The following DNAJC3 variants were observed in gnomAD, a reference collection of about 807,000 sequenced individuals.
The protein encoded by DNAJC3 is DnaJ heat shock protein family (Hsp40) member C3.
In DNAJC3, 38 loss-of-function variants were observed where a neutral mutation model predicts 68.6. That is an observed-to-expected ratio of 0.55 (90% CI 0.43 to 0.73). DNAJC3 has a LOEUF of 0.73. DNAJC3 is among the 30% of genes least tolerant of loss of function. The pLI is 0.00. For missense variants in DNAJC3, 526 were observed against 591.9 expected, an observed-to-expected ratio of 0.89 and a Z score of 1.16; for synonymous variants, 203 against 204.0, an observed-to-expected ratio of 1.00 and a Z score of 0.04.
At chr13:95,750,890 AAAGC>A (rs887090203) in intron 4 of DNAJC3, among the ~76,000 whole-genome samples, 66 of 152,306 alleles carry the variant, frequency 4.3e-4, no homozygotes, top group African/African-American at 1.6e-3. Flanking sequence ...ATGAAAAAGA[AAAGC>A]AAGGAAGCAT....
chr13:95,792,070 T>TAAAC lies in DNAJC3; in HGVS notation c.*1042_*1045dup, dbSNP rs1883793634. 6.6e-6 allele frequency: 1 copy of TAAAC among 152,204 alleles called. No individual in the cohort carries two copies. Among genetic ancestry groups the TAAAC allele is most frequent in the South Asian group, 2.1e-4 (1 of 4,828 alleles). 9.4% of individuals were successfully genotyped at this position (152,204 alleles called of 1,614,324 possible). On this transcript the variant is annotated 3_prime_UTR_variant, in exon 12 of 12. Coordinates refer to ENST00000602402, the MANE Select transcript of DNAJC3 (RefSeq NM_006260.5). ...GTGGGACCTGTCTGCTGGTATGTGTTAAACAGCAGACCGGCCCTTCTACCA... is the reference window on the plus strand; with the variant it reads ...GTGGGACCTGTCTGCTGGTATGTGTTAAACAAACAGCAGACCGGCCCTTCTACCA...
intron 4 of DNAJC3, among the ~76,000 whole-genome samples, chr13:95,749,911 G>A (rs1482094082): frequency 6.6e-6 from 1 of 152,178 alleles, no homozygotes; most frequent in African/African-American, 2.4e-5. Context: ...TTAGCTGGGC[G>A]TGGTGGCCCA....
intron 4 of DNAJC3, among the ~76,000 whole-genome samples, chr13:95,740,718 C>G (rs913297049): frequency 6.6e-6 from 1 of 152,198 alleles, no homozygotes; most frequent in Non-Finnish European, 1.5e-5. Flanking sequence ...GTCTGGCACT[C>G]CCTAGTGAGA....
intron 4 of DNAJC3, among the ~76,000 whole-genome samples, chr13:95,729,288 C>T (rs1438996048): frequency 1.8e-5 from 2 of 110,196 alleles, no homozygotes; most frequent in African/African-American, 3.5e-5. Context: ...CCCCCTCCCT[C>T]TCCTTCTCCC....
intron 4 of DNAJC3, among the ~76,000 whole-genome samples, chr13:95,741,751 G>C (rs1882151419): frequency 6.6e-6 from 1 of 152,194 alleles, no homozygotes; most frequent in South Asian, 2.1e-4. Context: ...GGTGTGTCCT[G>C]GTGTATGCTA....
In DNAJC3 at chr13:95,760,701, C is replaced by T. The variant is rs1201483464; in HGVS notation, c.751C>T (p.Leu251Phe). The part of the protein sequence containing the change: ...SLSEVRECLK[L>F]DQDHKRCFAH... ...CAGTGAAGTTCGGGAATGTCTTAAA[C>T]TTGACCAGGATCATAAAAGGTGTTT... Residue 251 changes from leucine to phenylalanine, a missense_variant, in exon 7 of 12, where the codon CTT (leucine) becomes TTT (phenylalanine). Physicochemically the swap from Leu to Phe is conservative, Grantham distance 22 (BLOSUM62 0). Coordinates refer to ENST00000602402, the MANE Select transcript of DNAJC3 (RefSeq NM_006260.5). 3.1e-6 allele frequency: 5 copies of T among 1,611,034 alleles called. No individual in the cohort carries two copies. The highest frequency in any genetic ancestry group is 4.5e-5 in the East Asian group (2 of 44,694).
chr13:95,764,065 C>T (rs1882901916), intron 9 of DNAJC3, 112 bp downstream of exon 9: 1 of 1,474,934 alleles, frequency 6.8e-7, no homozygotes, highest in Non-Finnish European at 9.1e-7. Flanking sequence ...GAAATGTTGA[C>T]AATTTTAGAA....
rs142671073 is a variant in DNAJC3 at position 95,681,797 on chromosome 13, C to T, written c.82+4460C>T. 2.0e-5 allele frequency among the ~76,000 whole-genome samples: 3 copies of T among 152,300 alleles called. No homozygotes were observed. In the East Asian group the frequency reaches 5.8e-4, roughly 29 times the overall value. ...TCCTTTCTGAAGCCTCTAATTTAAA[C>T]TCTCCTTTCCTCTCTCCCCTACCTC... is the stretch of plus-strand genomic sequence containing the variant. On this transcript the variant is annotated intron_variant, in intron 1 of 11. Coordinates refer to ENST00000602402, the MANE Select transcript of DNAJC3 (RefSeq NM_006260.5).
intron 4 of DNAJC3, among the ~76,000 whole-genome samples, chr13:95,752,844 G>T (rs548966601): frequency 1.3e-5 from 2 of 152,256 alleles, no homozygotes; most frequent in South Asian, 4.1e-4. Flanking sequence ...CTACTTTAAG[G>T]TTATGGGTAT....
rs1883794485 is a variant in DNAJC3 at position 95,792,094 on chromosome 13, C to G, written c.*1064C>G. 2.0e-5 allele frequency: 3 copies of G among 152,164 alleles called. No individual in the cohort carries two copies. The highest frequency in any genetic ancestry group is 1.3e-4 in the Admixed American group (2 of 15,282). The allele number at this position is 152,164 out of a possible 1,614,324, so 9.4% of individuals were successfully genotyped here. A position where few individuals can be genotyped will look rare whatever the true frequency, so the allele number is the denominator to read the frequency against. ...TTAAACAGCAGACCGGCCCTTCTAC[C>G]AGATCTTGATGCCTCTGATTTTCTC... On this transcript the variant is annotated 3_prime_UTR_variant, in exon 12 of 12. Coordinates refer to ENST00000602402, the MANE Select transcript of DNAJC3 (RefSeq NM_006260.5).
At position 95,792,923 on chromosome 13, in the gene DNAJC3, A is replaced by G. The variant is rs1024545793; in HGVS notation, c.*1893A>G. The G allele has an allele frequency of 6.6e-6, 1 of 152,238 alleles. No individual in the cohort carries two copies. Among genetic ancestry groups the G allele is most frequent in the African/African-American group, 2.4e-5 (1 of 41,454 alleles). The allele number at this position is 152,238 out of a possible 1,614,324, so 9.4% of individuals were successfully genotyped here. On this transcript the variant is annotated 3_prime_UTR_variant, in exon 12 of 12. Transcript: ENST00000602402. ...AAGAATTTTCACATAGAGTCAGAAA[A>G]AAAAGGAAATATCAAATCACTTGCC...
chr13:95,759,300 A>G (rs1458757570), intron 5 of DNAJC3, among the ~76,000 whole-genome samples: 2 of 152,210 alleles, frequency 1.3e-5, no homozygotes, highest in South Asian at 2.1e-4. Flanking sequence ...CATTTACAGA[A>G]GATAATTTCT....
intron 1 of DNAJC3, among the ~76,000 whole-genome samples, chr13:95,688,948 G>T (rs1048919357): frequency 6.6e-6 from 1 of 150,854 alleles, no homozygotes; most frequent in African/African-American, 2.5e-5. Flanking sequence ...GTGTGTGTGT[G>T]TGTGTGTGTG....
intron 4 of DNAJC3, among the ~76,000 whole-genome samples, chr13:95,736,286 G>GT (rs1288046863): frequency 1.8e-4 from 28 of 152,142 alleles, no homozygotes; most frequent in African/African-American, 6.8e-4. Flanking sequence ...TTTGGCTTAG[G>GT]TTTGACTTGG....
chr13:95,711,610 G>C (rs1217971119), intron 2 of DNAJC3, among the ~76,000 whole-genome samples: 1 of 152,116 alleles, frequency 6.6e-6, no homozygotes, highest in African/African-American at 2.4e-5. Context: ...ACCTTTGTGA[G>C]TAGTAGAGAA....
At chr13:95,702,176 C>A (rs17878379) in intron 1 of DNAJC3, among the ~76,000 whole-genome samples, 5 of 152,108 alleles carry the variant, frequency 3.3e-5, no homozygotes, top group African/African-American at 1.2e-4. Flanking sequence ...TTTTGATAAT[C>A]ACATATAACT....
intron 2 of DNAJC3, among the ~76,000 whole-genome samples, chr13:95,719,245 C>T (rs1881243997): frequency 6.6e-6 from 1 of 152,232 alleles, no homozygotes; most frequent in Non-Finnish European, 1.5e-5. Context: ...GGTGTACCAC[C>T]CTCTAGGAGC....
chr13:95,694,825 G>A (rs1002059004), intron 1 of DNAJC3: 6 of 152,500 alleles, frequency 3.9e-5, no homozygotes. Flanking sequence ...CACGCTAACG[G>A]TGCTTCAATA....
chr13:95,714,283 C>T (rs988047541), intron 2 of DNAJC3, among the ~76,000 whole-genome samples: 2 of 151,940 alleles, frequency 1.3e-5, no homozygotes, highest in Non-Finnish European at 2.9e-5. Flanking sequence ...AGTATATAAT[C>T]ACTCAGGAGG....
Sources: gnomAD v4.1 joint callset for allele counts (sites outside exome capture counted in the v4.1 genomes callset) on GRCh38, gnomAD v4.1.1 for gene constraint, MANE v1.5 for transcripts, NCBI Gene and HGNC (gene_info 2026-07-23, HGNC 2026-07-21) for gene names.